The following MAN1A2 variants were observed in gnomAD, a reference collection of about 807,000 sequenced individuals.
MAN1A2 encodes the protein mannosyl-oligosaccharide 1,2-alpha-mannosidase IB.
A neutral mutation model predicts 75.7 loss-of-function variants in MAN1A2; 26 were observed. That is an observed-to-expected ratio of 0.34 (90% CI 0.25 to 0.48). The LOEUF is 0.48. MAN1A2 is among the 20% of genes least tolerant of loss of function. The pLI is 0.99. For synonymous variants in MAN1A2, 247 were observed against 264.6 expected, an observed-to-expected ratio of 0.93 and a Z score of 0.65; for missense variants, 562 against 775.5, an observed-to-expected ratio of 0.72 and a Z score of 3.27.
At chr1:117,428,114 T>A (rs1445315712) in intron 5 of MAN1A2, among the ~76,000 whole-genome samples, 1 of 141,994 alleles carries the variant, frequency 7.0e-6, no homozygotes, top group East Asian at 2.1e-4. Context: ...TCTCTCTCTA[T>A]TTTTTTTTTT....
chr1:117,445,628 G>T (rs1256585865), intron 6 of MAN1A2, among the ~76,000 whole-genome samples: 1 of 151,826 alleles, frequency 6.6e-6, no homozygotes, highest in African/African-American at 2.4e-5. Context: ...CCGGGCTTAA[G>T]TGATCCCCCC....
chr1:117,386,809 A>G (rs946053708), intron 1 of MAN1A2, among the ~76,000 whole-genome samples: 4 of 151,780 alleles, frequency 2.6e-5, no homozygotes, highest in Non-Finnish European at 5.9e-5. Context: ...GCACACACCT[A>G]TATTTCCACG....
chr1:117,434,747 CTGTGTGTG>C (rs61681259), intron 5 of MAN1A2, among the ~76,000 whole-genome samples: 16,414 of 135,274 alleles, frequency 0.12, 1,101 homozygotes, highest in African/African-American at 0.19. Context: ...TTGGTTACAG[CTGTGTGTG>C]TGTGTGTGTG....
chr1:117,499,439 T>TC lies in MAN1A2; in HGVS notation c.1564dup (p.Arg522ProfsTer4). 1 of 1,605,518 alleles carries TC rather than the reference T, an allele frequency of 6.2e-7. No homozygotes were observed. On this transcript the variant is annotated frameshift_variant, in exon 11 of 13. Transcript: ENST00000356554. LOFTEE classifies it high-confidence loss of function. ...GATGGTGCAGTGGAGGCTGTGGCTGTCCGGCAGGCTGAAAAGTATTATATC... is the reference window on the plus strand; with the variant it reads ...GATGGTGCAGTGGAGGCTGTGGCTGTCCCGGCAGGCTGAAAAGTATTATATC...
At chr1:117,376,175 G>C (rs546710296) in intron 1 of MAN1A2, among the ~76,000 whole-genome samples, 1 of 152,340 alleles carries the variant, frequency 6.6e-6, no homozygotes, top group South Asian at 2.1e-4. Context: ...CTCCCAAAGT[G>C]CTGGGATTAC....
chr1:117,475,170 C>T (rs77709412), intron 8 of MAN1A2, among the ~76,000 whole-genome samples: 5 of 151,794 alleles, frequency 3.3e-5, no homozygotes, highest in East Asian at 2.0e-4. Context: ...TCACTTCTCT[C>T]GGGGAATACT....
At chr1:117,426,876 C>G (rs1648393880) in intron 5 of MAN1A2, among the ~76,000 whole-genome samples, 1 of 152,082 alleles carries the variant, frequency 6.6e-6, no homozygotes, top group Non-Finnish European at 1.5e-5. Context: ...GAGAAATCTT[C>G]TTTAATTCTT....
chr1:117,510,925 T>C (rs1651515521), intron 12 of MAN1A2, among the ~76,000 whole-genome samples: 1 of 152,084 alleles, frequency 6.6e-6, no homozygotes, highest in African/African-American at 2.4e-5. Context: ...CTTGCCCTCC[T>C]TTATTTTTCT....
chr1:117,483,452 C>CA (rs1268026271), intron 8 of MAN1A2, among the ~76,000 whole-genome samples: 5 of 152,092 alleles, frequency 3.3e-5, no homozygotes, highest in Non-Finnish European at 7.4e-5. Context: ...AGAGGTCCTT[C>CA]ACATCCCTTG....
chr1:117,494,069 G>C (rs1256618039), intron 9 of MAN1A2: 1 of 152,004 alleles, frequency 6.6e-6, no homozygotes, highest in African/African-American at 2.4e-5. Flanking sequence ...TTACACATGA[G>C]GACCTTAAGG....
In MAN1A2 at chr1:117,458,022, A is replaced by G. The variant is rs142546538; in HGVS notation, c.951-2467A>G. Among the ~76,000 whole-genome samples the G allele has an allele frequency of 3.9e-5, 6 of 152,304 alleles. No homozygotes were observed. In the East Asian group the frequency reaches 1.2e-3, roughly 29 times the overall value. ...TCCTCATCATTCAGGTCTCAGTTCA[A>G]ATCATATCATTTTAGAAACATTTTC... On this transcript the variant is annotated intron_variant, in intron 6 of 12. Coordinates refer to ENST00000356554, the MANE Select transcript of MAN1A2 (RefSeq NM_006699.5).
At chr1:117,477,539 C>T (rs1338646341) in intron 8 of MAN1A2, among the ~76,000 whole-genome samples, 3 of 151,924 alleles carry the variant, frequency 2.0e-5, no homozygotes, top group Non-Finnish European at 2.9e-5. Flanking sequence ...ACAAAAACCA[C>T]GTGATTATCT....
rs561442563 is a variant in MAN1A2, at chr1:117,461,120, A to G, written c.1074+508A>G. Among the ~76,000 whole-genome samples the G allele has an allele frequency of 5.0e-4, 76 of 152,324 alleles. 1 individual carries two copies. The highest frequency in any genetic ancestry group is 1.8e-3 in the African/African-American group (76 of 41,586). Reference sequence around the variant, plus strand: ...CAGCTACAAAAGGCAAGAAAATGTCATTTTGCAAAAAGATATCTTATGTAA... The same window carrying G: ...CAGCTACAAAAGGCAAGAAAATGTCGTTTTGCAAAAAGATATCTTATGTAA... On this transcript the variant is annotated intron_variant, in intron 7 of 12. Coordinates refer to ENST00000356554, the MANE Select transcript of MAN1A2 (RefSeq NM_006699.5).
At chr1:117,506,068 T>C in intron 12 of MAN1A2, among the ~76,000 whole-genome samples, 1 of 151,642 alleles carries the variant, frequency 6.6e-6, no homozygotes, top group Middle Eastern at 3.4e-3. Context: ...AAGATCTAAA[T>C]TAATGTAGCT....
chr1:117,480,890 T>A (rs1557968407), intron 8 of MAN1A2, among the ~76,000 whole-genome samples: 1 of 151,884 alleles, frequency 6.6e-6, no homozygotes, highest in Non-Finnish European at 1.5e-5. Context: ...TCTCTTAGAT[T>A]TTTTGCTGTA....
intron 6 of MAN1A2, among the ~76,000 whole-genome samples, chr1:117,445,888 A>ATATATATATATG (rs1649217368): frequency 1.4e-5 from 2 of 143,626 alleles, no homozygotes; most frequent in Non-Finnish European, 3.1e-5. Flanking sequence ...GTGTGTGTAT[A>ATATATATATATG]TATATATATA....
chr1:117,394,294 G>A (rs1653837568), intron 1 of MAN1A2, among the ~76,000 whole-genome samples: 1 of 152,100 alleles, frequency 6.6e-6, no homozygotes, highest in African/African-American at 2.4e-5. Flanking sequence ...GTATTAGCCA[G>A]GATGGTCTCA....
intron 12 of MAN1A2, among the ~76,000 whole-genome samples, chr1:117,511,819 A>C (rs1651545951): frequency 6.6e-6 from 1 of 152,056 alleles, no homozygotes; most frequent in Admixed American, 6.6e-5. Context: ...CCAACATAGC[A>C]CATAATTTTC....
At chr1:117,417,153 T>C (rs1231355360) in intron 4 of MAN1A2, among the ~76,000 whole-genome samples, 1 of 152,124 alleles carries the variant, frequency 6.6e-6, no homozygotes, top group Non-Finnish European at 1.5e-5. Context: ...AAGTAGAGTA[T>C]AGAAGAATGG....
Sources: allele counts gnomAD v4.1 joint callset (sites outside exome capture counted in the v4.1 genomes callset), GRCh38; gene constraint gnomAD v4.1.1; transcripts MANE v1.5; gene names NCBI Gene and HGNC (gene_info 2026-07-23, HGNC 2026-07-21).